Variants in UNC93A observed in about 807,000 individuals in gnomAD.
The protein encoded by UNC93A is unc-93 homolog A, also known as N-acetylglucosamine transporter UNC93A.
In UNC93A, 43 loss-of-function variants were observed where a neutral mutation model predicts 47.5. The ratio of observed to expected loss-of-function variants is 0.91; its 90% CI spans 0.71 to 1.17. The LOEUF is 1.17. Ranked by LOEUF, UNC93A falls within the 50% of genes most tolerant of loss-of-function variation. The pLI, the probability that UNC93A is intolerant of heterozygous loss-of-function variation, is 0.00. For synonymous variants in UNC93A, 280 were observed against 258.0 expected, an observed-to-expected ratio of 1.09 and a Z score of -0.82; for missense variants, 605 against 577.6, an observed-to-expected ratio of 1.05 and a Z score of -0.49.
intron 7 of UNC93A, among the ~76,000 whole-genome samples, chr6:167,313,779 T>A (rs1473918639): frequency 6.6e-6 from 1 of 152,054 alleles, no homozygotes; most frequent in Non-Finnish European, 1.5e-5. Context: ...TCAACTTGGA[T>A]TTTCTTCCCT....
chr6:167,287,864 G>A (rs906951801), upstream of UNC93A, among the ~76,000 whole-genome samples: 11 of 152,122 alleles, frequency 7.2e-5, no homozygotes, highest in African/African-American at 2.7e-4. Context: ...TAGCGTTGCC[G>A]CCCTGACAGG....
At chr6:167,286,549 G>A (rs1429883524), upstream of UNC93A, among the ~76,000 whole-genome samples, 1 of 152,216 alleles carries the variant, frequency 6.6e-6, no homozygotes, top group African/African-American at 2.4e-5. Flanking sequence ...TGGGGACAAA[G>A]TTCAAATTGT....
At position 167,296,068 on chromosome 6, in the gene UNC93A, CG is replaced by C. The variant is rs1562350926; in HGVS notation, c.310del (p.Ala104ProfsTer31). ...LIPTSILLGL[G>X]AAPLWSAQCT... Reference sequence around the variant, plus strand: ...TCCCCACCTCCATACTGCTGGGACTCGGGGCCGCCCCGCTGTGGTCTGCACA... The same window carrying C: ...TCCCCACCTCCATACTGCTGGGACTCGGGCCGCCCCGCTGTGGTCTGCACA... On this transcript the variant is annotated frameshift_variant, in exon 3 of 8. Coordinates refer to ENST00000230256, the MANE Select transcript of UNC93A (RefSeq NM_018974.4). LOFTEE classifies it high-confidence loss of function. 1 of 1,614,194 alleles carries C rather than the reference CG, an allele frequency of 6.2e-7. No individual in the cohort carries two copies. Among genetic ancestry groups the C allele is most frequent in the Middle Eastern group, 1.6e-4 (1 of 6,062 alleles).
At chr6:167,308,672 G>A (rs1424471939) in intron 7 of UNC93A, among the ~76,000 whole-genome samples, 3 of 151,890 alleles carry the variant, frequency 2.0e-5, no homozygotes, top group African/African-American at 7.3e-5. Flanking sequence ...GGGTGGAGTG[G>A]CAAGTCGGGT....
chr6:167,278,017 C>G (rs565258739), intron 1 of UNC93A, among the ~76,000 whole-genome samples: 1 of 152,150 alleles, frequency 6.6e-6, no homozygotes. Flanking sequence ...TTGAAGCATC[C>G]TCTACCCACC....
intron 1 of UNC93A, among the ~76,000 whole-genome samples, chr6:167,272,316 C>T (rs1477221727): frequency 6.6e-6 from 1 of 152,218 alleles, no homozygotes; most frequent in Non-Finnish European, 1.5e-5. Flanking sequence ...AATCTCTGCT[C>T]TCAGGCCTGC....
chr6:167,286,942 C>A (rs1472565644), upstream of UNC93A, among the ~76,000 whole-genome samples: 3 of 141,902 alleles, frequency 2.1e-5, no homozygotes, highest in Admixed American at 2.3e-4. Flanking sequence ...CGCGCCACTG[C>A]ACTCCAGCCT....
intron 4 of UNC93A, among the ~76,000 whole-genome samples, chr6:167,298,535 T>C (rs1778154625): frequency 1.3e-5 from 2 of 151,896 alleles, no homozygotes; most frequent in African/African-American, 2.4e-5. Context: ...CTTTTTTTTT[T>C]TTTTCTGAGA....
At chr6:167,282,232 A>T (rs1452254759) in intron 1 of UNC93A, among the ~76,000 whole-genome samples, 2 of 152,140 alleles carry the variant, frequency 1.3e-5, no homozygotes, top group Non-Finnish European at 2.9e-5. Context: ...TGTCTGTATC[A>T]TTCCAGGGGG....
intron 4 of UNC93A, 110 bp from the exon 5 acceptor site, chr6:167,303,809 T>C (rs745720705): frequency 5.9e-6 from 6 of 1,021,306 alleles, no homozygotes; most frequent in Non-Finnish European, 7.4e-6. Flanking sequence ...AATCTGGATC[T>C]GAATTAGCCC....
At position 167,303,170 on chromosome 6, in the gene UNC93A, G is replaced by A. The variant is rs78575970; in HGVS notation, c.626-749G>A. Reference sequence around the variant, plus strand: ...GGTGGGGAGTCTCCCTCTCACTGCCGTCCTCAGACCCCGTTCTGCACCCAT... The same window carrying A: ...GGTGGGGAGTCTCCCTCTCACTGCCATCCTCAGACCCCGTTCTGCACCCAT... On this transcript the variant is annotated intron_variant, in intron 4 of 7. Transcript: ENST00000230256. Among the ~76,000 whole-genome samples, 464 of 152,240 alleles carry A rather than the reference G, an allele frequency of 3.0e-3. 14 individuals are homozygous for A. In the East Asian group the frequency reaches 0.07, roughly 23 times the overall value.
chr6:167,291,595 C>T lies in UNC93A; in HGVS notation c.87+19C>T. ...CCTGCAGGTATGTGTGTCCGGTCAT[C>T]AAATTACCTGAACTTCTTGGCCTCC... On this transcript the variant is annotated intron_variant, in intron 1 of 7. Transcript: ENST00000230256. 6.3e-7 allele frequency: 1 copy of T among 1,592,260 alleles called. No individual in the cohort carries two copies. The highest frequency in any genetic ancestry group is 8.5e-7 in the Non-Finnish European group (1 of 1,171,348).
Position 167,297,968 on chromosome 6 carries a change from A to G in UNC93A, c.523A>G (p.Thr175Ala). 6.2e-7 allele frequency: 1 copy of G among 1,614,062 alleles called. No individual in the cohort carries two copies. ...SQETLPEEQL[T>A]SCGASDCLMA... ...AGAGACCCTTCCAGAAGAGCAGCTC[A>G]CGTCCTGTGGGGCCAGTGACTGCCT... Residue 175 changes from threonine to alanine, a missense_variant, in exon 4 of 8, where the codon ACG (threonine) becomes GCG (alanine). By Grantham distance (58) the Thr-to-Ala change is moderately conservative. Coordinates refer to ENST00000230256, the MANE Select transcript of UNC93A (RefSeq NM_018974.4).
chr6:167,303,180 C>G (rs1778289128), intron 4 of UNC93A, among the ~76,000 whole-genome samples: 1 of 152,178 alleles, frequency 6.6e-6, no homozygotes, highest in Admixed American at 6.5e-5. Context: ...GTCCTCAGAC[C>G]CCGTTCTGCA....
chr6:167,288,101 C>A (rs1011359289), upstream of UNC93A, among the ~76,000 whole-genome samples: 1 of 152,170 alleles, frequency 6.6e-6, no homozygotes, highest in Admixed American at 6.5e-5. Flanking sequence ...ACCGTGGAAG[C>A]TGGGAGGATT....
intron 5 of UNC93A, among the ~76,000 whole-genome samples, chr6:167,305,469 A>C (rs1432323141): frequency 6.6e-6 from 1 of 152,058 alleles, no homozygotes; most frequent in East Asian, 1.9e-4. Flanking sequence ...TGCGGTGGGC[A>C]TGAGACACAT....
chr6:167,280,988 A>G (rs945223222), intron 1 of UNC93A, among the ~76,000 whole-genome samples: 2 of 152,326 alleles, frequency 1.3e-5, no homozygotes, highest in Admixed American at 6.5e-5. Context: ...AGCAAAACAA[A>G]CAAGCAAATC....
At chr6:167,284,040 C>A (rs1451436840) in intron 1 of UNC93A, among the ~76,000 whole-genome samples, 2 of 152,168 alleles carry the variant, frequency 1.3e-5, no homozygotes, top group Admixed American at 1.3e-4. Context: ...TAAAACTCTA[C>A]TAAAATCCAA....
rs115451880 is a variant in UNC93A, at chr6:167,274,626, G to A, written c.-52+3168G>A. 1.9e-3 allele frequency among the ~76,000 whole-genome samples: 283 copies of A among 152,178 alleles called. 1 individual carries two copies. The highest frequency in any genetic ancestry group is 5.9e-3 in the African/African-American group (243 of 41,504). ...TCTATGACACTCTTAGCTGACTGGC[G>A]GCTGTCTAGATGAGGGTTCAAATCC... is the stretch of plus-strand genomic sequence containing the variant. On this transcript the variant is annotated intron_variant, in intron 1 of 3. Transcript: ENST00000503433.
Sources: allele counts gnomAD v4.1 joint callset (sites outside exome capture counted in the v4.1 genomes callset), GRCh38; gene constraint gnomAD v4.1.1; transcripts MANE v1.5; gene names NCBI Gene and HGNC (gene_info 2026-07-23, HGNC 2026-07-21).